The following SKAP1 variants were observed in gnomAD, a reference collection of about 807,000 sequenced individuals.
SKAP1 encodes src kinase-associated phosphoprotein 1.
SKAP1 carries 44 observed loss-of-function variants against 58.5 expected under a neutral mutation model. That is an observed-to-expected ratio of 0.75 (90% CI 0.59 to 0.97). The LOEUF is 0.97. Among genes scored for constraint, SKAP1 ranks in the 50% least tolerant of loss-of-function variants. The pLI, the probability that SKAP1 is intolerant of heterozygous loss-of-function variation, is 0.00. For synonymous variants in SKAP1, 127 were observed against 149.7 expected (o/e 0.85, Z 1.11); for missense variants, 390 against 435.2 (o/e 0.90, Z 0.92).
chr17:48,417,439 T>C (rs780987160), intron 1 of SKAP1, among the ~76,000 whole-genome samples: 20 of 152,146 alleles, frequency 1.3e-4, no homozygotes, highest in Non-Finnish European at 2.8e-4. Flanking sequence ...TTTAAGAATA[T>C]ATTCTATAGA....
intron 11 of SKAP1, among the ~76,000 whole-genome samples, chr17:48,158,778 G>A (rs1329823837): frequency 6.6e-6 from 1 of 150,984 alleles, no homozygotes; most frequent in Non-Finnish European, 1.5e-5. Context: ...GGCTAACACG[G>A]TGAAACCGCG....
At chr17:48,296,643 A>G (rs1390522386) in intron 4 of SKAP1, among the ~76,000 whole-genome samples, 19 of 152,114 alleles carry the variant, frequency 1.2e-4, no homozygotes, top group Non-Finnish European at 2.8e-4. Context: ...TTTTGTTCAA[A>G]TCCTGCTGTG....
rs542872548 is a variant in SKAP1 at position 48,372,180 on chromosome 17, A to G, written c.153-8366T>C. ...AGAGATGGGGTTTTCCCATGTTGGC[A>G]AGGTTGGTCTTGAGCTCCTTGCCTC... On this transcript the variant is annotated intron_variant, in intron 2 of 12. Transcript: ENST00000336915. Among the ~76,000 whole-genome samples, 17 of 152,150 alleles carry G rather than the reference A, an allele frequency of 1.1e-4. 1 individual carries two copies. In the South Asian group the frequency reaches 3.1e-3, roughly 28 times the overall value.
chr17:48,427,164 T>A (rs893225881), intron 1 of SKAP1, among the ~76,000 whole-genome samples: 2 of 152,210 alleles, frequency 1.3e-5, no homozygotes, highest in Admixed American at 6.5e-5. Context: ...TTTTACTTAT[T>A]CCTAGGCTTA....
chr17:48,393,904 C>A (rs113633423), intron 2 of SKAP1, among the ~76,000 whole-genome samples: 1 of 141,678 alleles, frequency 7.1e-6, no homozygotes, highest in Non-Finnish European at 1.5e-5. Flanking sequence ...CCACCCCCCC[C>A]AAATTTATCA....
At chr17:48,243,738 A>G (rs2065266330) in intron 4 of SKAP1, among the ~76,000 whole-genome samples, 1 of 152,186 alleles carries the variant, frequency 6.6e-6, no homozygotes, top group South Asian at 2.1e-4. Flanking sequence ...GGCTTCAGTG[A>G]TGCATAAGCT....
chr17:48,417,373 AC>A (rs2067744784), intron 1 of SKAP1, among the ~76,000 whole-genome samples: 2 of 152,266 alleles, frequency 1.3e-5, no homozygotes, highest in Admixed American at 1.3e-4. Flanking sequence ...TCAAGTTTTA[AC>A]TAGCAGCTAG....
In SKAP1 at chr17:48,135,230, A is replaced by G. The variant is rs199679012; in HGVS notation, c.*8-1414T>C. 3.9e-5 allele frequency among the ~76,000 whole-genome samples: 6 copies of G among 152,172 alleles called. No homozygotes were observed. The East Asian group carries it at 9.6e-4, about 24-fold the overall frequency. On this transcript the variant is annotated intron_variant, in intron 12 of 12. Transcript: ENST00000336915. ...TAGAGTGGGCTCTGGTCTGGACTCC[A>G]AGGAATGTTTGTATCACTGTCACAC... is the stretch of plus-strand genomic sequence containing the variant.
At chr17:48,204,153 G>A (rs1412212600) in intron 4 of SKAP1, 1 of 149,984 alleles carries the variant, frequency 6.7e-6, no homozygotes. Flanking sequence ...GTGTGATCTC[G>A]GCTGGAGTGC....
At chr17:48,224,922 G>A (rs999648185) in intron 4 of SKAP1, among the ~76,000 whole-genome samples, 1 of 152,070 alleles carries the variant, frequency 6.6e-6, no homozygotes, top group Non-Finnish European at 1.5e-5. Context: ...ATGAAGTTTT[G>A]CCAAGTGTAC....
chr17:48,151,675 A>G (rs914486116), intron 11 of SKAP1, among the ~76,000 whole-genome samples: 25 of 152,170 alleles, frequency 1.6e-4, no homozygotes, highest in African/African-American at 6.0e-4. Flanking sequence ...TCCTTTGTTT[A>G]ATAGTTAGAA....
intron 4 of SKAP1, among the ~76,000 whole-genome samples, chr17:48,213,175 C>T (rs2143685103): frequency 6.6e-6 from 1 of 152,146 alleles, no homozygotes; most frequent in African/African-American, 2.4e-5. Context: ...AACCCCATCT[C>T]TACTAAATAT....
intron 10 of SKAP1, among the ~76,000 whole-genome samples, chr17:48,163,740 G>T (rs2064101484): frequency 6.6e-6 from 1 of 152,026 alleles, no homozygotes; most frequent in Non-Finnish European, 1.5e-5. Flanking sequence ...GGGCAGTAGG[G>T]GCACAGACAC....
At chr17:48,253,045 A>G (rs1044434961) in intron 4 of SKAP1, among the ~76,000 whole-genome samples, 5 of 152,144 alleles carry the variant, frequency 3.3e-5, no homozygotes, top group African/African-American at 9.7e-5. Context: ...GGAACATGTC[A>G]CTGTGGTCCT....
At chr17:48,430,038 G>A in intron 1 of SKAP1, 37 bp downstream of exon 1, 2 of 1,260,838 alleles carry the variant, frequency 1.6e-6, no homozygotes, top group Non-Finnish European at 2.0e-6. Context: ...TTCGGCCTTC[G>A]GCTCAGCACT....
intron 1 of SKAP1, among the ~76,000 whole-genome samples, chr17:48,422,286 A>G (rs1002774674): frequency 6.6e-6 from 1 of 152,170 alleles, no homozygotes; most frequent in Non-Finnish European, 1.5e-5. Flanking sequence ...GCAAAAGACC[A>G]TGACTGGGAG....
chr17:48,225,812 G>C (rs2065061788), intron 4 of SKAP1, among the ~76,000 whole-genome samples: 1 of 152,156 alleles, frequency 6.6e-6, no homozygotes, highest in African/African-American at 2.4e-5. Context: ...GCAGTAATAA[G>C]GGCCCTGGAC....
At position 48,144,206 on chromosome 17, in the gene SKAP1, G is replaced by A. The variant is rs563123166; in HGVS notation, c.979-6869C>T. ...GGGAGCTTAATCAAAGCACCTACAG[G>A]TCCCGGGATCTGACTGTCTTTTCCA... On this transcript the variant is annotated intron_variant, in intron 11 of 12. Coordinates refer to ENST00000336915, the MANE Select transcript of SKAP1 (RefSeq NM_003726.4). Among the ~76,000 whole-genome samples the A allele has an allele frequency of 1.2e-4, 19 of 152,212 alleles. No homozygotes were observed. In the South Asian group the frequency reaches 3.7e-3, roughly 30 times the overall value.
intron 4 of SKAP1, among the ~76,000 whole-genome samples, chr17:48,330,594 C>T (rs900635357): frequency 2.0e-5 from 3 of 152,216 alleles, no homozygotes; most frequent in Non-Finnish European, 4.4e-5. Flanking sequence ...TTCTGCAACC[C>T]GCCCTCTTCA....
Sources: gnomAD v4.1 joint callset for allele counts (sites outside exome capture counted in the v4.1 genomes callset) on GRCh38, gnomAD v4.1.1 for gene constraint, MANE v1.5 for transcripts, NCBI Gene and HGNC (gene_info 2026-07-23, HGNC 2026-07-21) for gene names.